CDH13: variants seen among roughly 807,000 people sequenced by gnomAD.
CDH13 encodes the protein cadherin-13.
CDH13 carries 24 observed loss-of-function variants against 63.8 expected under a neutral mutation model. That is an observed-to-expected ratio of 0.38 (90% CI 0.27 to 0.53). The LOEUF (loss-of-function observed/expected upper bound fraction) is 0.53. Ranked by LOEUF, CDH13 falls within the 20% of genes least tolerant of loss-of-function variation. The pLI is 0.85. For synonymous variants in CDH13, 503 were observed against 355.3 expected, an observed-to-expected ratio of 1.42 and a Z score of -4.67; for missense variants, 1,049 against 903.1, an observed-to-expected ratio of 1.16 and a Z score of -2.07.
intron 7 of CDH13, among the ~76,000 whole-genome samples, chr16:83,543,721 C>G (rs1051040077): frequency 6.6e-6 from 1 of 152,136 alleles, no homozygotes; most frequent in Admixed American, 6.6e-5. Context: ...CCAGCTGGGA[C>G]CAGCGGGTAT....
intron 1 of CDH13, among the ~76,000 whole-genome samples, chr16:82,746,785 G>A (rs1019746096): frequency 2.6e-5 from 4 of 152,034 alleles, no homozygotes; most frequent in East Asian, 1.9e-4. Context: ...AGTTGCAAGA[G>A]TCGTACCATA....
chr16:83,795,309 C>A lies in CDH13; in HGVS notation c.*279C>A. 1 of 446,088 alleles carries A rather than the reference C, an allele frequency of 2.2e-6. No homozygotes were observed. Among genetic ancestry groups the A allele is most frequent in the Non-Finnish European group, 4.0e-6 (1 of 248,058 alleles). 27.6% of individuals were successfully genotyped at this position (446,088 alleles called of 1,614,324 possible). A position where few individuals can be genotyped will look rare whatever the true frequency, so the allele number is the denominator to read the frequency against. On this transcript the variant is annotated 3_prime_UTR_variant, in exon 14 of 14. Transcript: ENST00000567109. ...GATCTTCTGGGAGCAGGAACAATGA[C>A]TACTTTTTCTGGTGTGTTAACATGT...
intron 2 of CDH13, among the ~76,000 whole-genome samples, chr16:82,889,114 C>T (rs913759151): frequency 1.3e-5 from 2 of 152,192 alleles, no homozygotes; most frequent in African/African-American, 4.8e-5. Flanking sequence ...TTCCCCTTAA[C>T]CTTATTTTCA....
intron 6 of CDH13, among the ~76,000 whole-genome samples, chr16:83,388,740 C>A (rs1251645984): frequency 1.3e-5 from 2 of 152,140 alleles, no homozygotes; most frequent in Non-Finnish European, 2.9e-5. Flanking sequence ...CTGAGAGTCC[C>A]CTTCTATCTC....
chr16:82,654,584 T>C (rs1597230118), intron 1 of CDH13, among the ~76,000 whole-genome samples: 1 of 152,326 alleles, frequency 6.6e-6, no homozygotes, highest in East Asian at 1.9e-4. Flanking sequence ...TGACTGACTC[T>C]CTGCTTTGGG....
intron 1 of CDH13, among the ~76,000 whole-genome samples, chr16:82,808,632 T>C (rs2037279422): frequency 6.6e-6 from 1 of 152,182 alleles, no homozygotes; most frequent in Non-Finnish European, 1.5e-5. Context: ...AAGATGATGT[T>C]GGAAAAGTTT....
At chr16:83,323,053 G>A (rs955751630) in intron 5 of CDH13, among the ~76,000 whole-genome samples, 30 of 152,012 alleles carry the variant, frequency 2.0e-4, no homozygotes, top group African/African-American at 7.2e-4. Flanking sequence ...TCTTGCTATC[G>A]TGCAAATGAG....
At chr16:83,725,477 T>G (rs534276207) in intron 10 of CDH13, 14 of 152,590 alleles carry the variant, frequency 9.2e-5, no homozygotes, top group African/African-American at 3.1e-4. Context: ...TCACCCACCT[T>G]ATCACATGTG....
chr16:83,727,224 C>A (rs77056364), intron 10 of CDH13, among the ~76,000 whole-genome samples: 3,446 of 152,158 alleles, frequency 0.023, 138 homozygotes, highest in East Asian at 0.18. Context: ...AGCTTCCTGT[C>A]TCTGTGGGTT....
chr16:83,419,620 T>C (rs1239819883), intron 6 of CDH13, among the ~76,000 whole-genome samples: 2 of 152,186 alleles, frequency 1.3e-5, no homozygotes, highest in Non-Finnish European at 2.9e-5. Flanking sequence ...GCATATTTCC[T>C]ACATAGAGGG....
At chr16:83,379,794 T>C (rs1422765635) in intron 6 of CDH13, among the ~76,000 whole-genome samples, 2 of 151,698 alleles carry the variant, frequency 1.3e-5, no homozygotes, top group Non-Finnish European at 2.9e-5. Flanking sequence ...ATAAAAACTT[T>C]AAAAATAAAT....
At chr16:83,218,424 T>G (rs2039601919) in intron 5 of CDH13, among the ~76,000 whole-genome samples, 1 of 152,054 alleles carries the variant, frequency 6.6e-6, no homozygotes, top group Admixed American at 6.6e-5. Context: ...CACCTGTCAA[T>G]GAGAACTGAA....
In CDH13 at chr16:83,514,937, G is replaced by A. The variant is rs533377913; in HGVS notation, c.960+28282G>A. Among the ~76,000 whole-genome samples, 4 of 152,244 alleles carry A rather than the reference G, an allele frequency of 2.6e-5. No individual in the cohort carries two copies. In the East Asian group the frequency reaches 5.8e-4, roughly 22 times the overall value. On this transcript the variant is annotated intron_variant, in intron 7 of 13. Coordinates refer to ENST00000567109, the MANE Select transcript of CDH13 (RefSeq NM_001257.5). ...CTCCGGTTTGTGACGTGTAGTTACT[G>A]CAGCTCCTGGACACTGAGATGCCCC...
intron 8 of CDH13, among the ~76,000 whole-genome samples, chr16:83,624,962 CCG>C (rs1342156033): frequency 7.2e-5 from 11 of 152,200 alleles, no homozygotes; most frequent in Non-Finnish European, 1.6e-4. Flanking sequence ...GAGCTGATTG[CCG>C]CATGTCTTGC....
At chr16:83,350,162 C>T (rs2090922011) in intron 6 of CDH13, among the ~76,000 whole-genome samples, 1 of 152,162 alleles carries the variant, frequency 6.6e-6, no homozygotes, top group Non-Finnish European at 1.5e-5. Context: ...AATATCCTGT[C>T]CTCTTGAGGC....
chr16:82,756,474 C>T (rs902873009), intron 1 of CDH13, among the ~76,000 whole-genome samples: 4 of 152,052 alleles, frequency 2.6e-5, no homozygotes, highest in East Asian at 3.9e-4. Flanking sequence ...CGTGGCAACC[C>T]GGGGTGACTA....
chr16:83,599,218 A>G (rs943295951), intron 7 of CDH13, among the ~76,000 whole-genome samples: 7 of 152,182 alleles, frequency 4.6e-5, no homozygotes, highest in Admixed American at 1.3e-4. Flanking sequence ...CCCCACAGCA[A>G]TCTGTACTGG....
chr16:82,758,508 G>A (rs986984856), intron 1 of CDH13, among the ~76,000 whole-genome samples: 1 of 151,700 alleles, frequency 6.6e-6, no homozygotes, highest in South Asian at 2.1e-4. Flanking sequence ...ACTAGTTCAA[G>A]TTTCTGAGGG....
chr16:83,751,741 C>A (rs1388282515), intron 11 of CDH13, among the ~76,000 whole-genome samples: 1 of 152,182 alleles, frequency 6.6e-6, no homozygotes, highest in East Asian at 1.9e-4. Flanking sequence ...AGAAACAAAT[C>A]TTTGTCAAGA....
Sources: gnomAD v4.1 joint callset for allele counts (sites outside exome capture counted in the v4.1 genomes callset) on GRCh38, gnomAD v4.1.1 for gene constraint, MANE v1.5 for transcripts, NCBI Gene and HGNC (gene_info 2026-07-23, HGNC 2026-07-21) for gene names.